The following DYNC2I2 variants were observed in gnomAD, a reference collection of about 807,000 sequenced individuals.
DYNC2I2 encodes the protein cytoplasmic dynein 2 intermediate chain 2.
In DYNC2I2, 39 loss-of-function variants were observed where a neutral mutation model predicts 52.0. The ratio of observed to expected loss-of-function variants is 0.75; its 90% confidence interval spans 0.58 to 0.98. The LOEUF (loss-of-function observed/expected upper bound fraction) is 0.98, where lower values mean the gene tolerates loss of function less well. Ranked by LOEUF, DYNC2I2 falls within the 50% of genes least tolerant of loss-of-function variation. The probability of loss-of-function intolerance (pLI) is 0.00; values close to 1 mark genes in which losing one functional copy is unlikely to be tolerated. For synonymous variants in DYNC2I2, 359 were observed against 321.1 expected (o/e 1.12, Z -1.26); for missense variants, 743 against 728.4 (o/e 1.02, Z -0.23).
chr9:128,635,182 G>C lies in DYNC2I2; in HGVS notation c.891C>G (p.Leu297=), dbSNP rs1362588107. 1.2e-6 allele frequency: 2 copies of C among 1,613,536 alleles called. No individual in the cohort carries two copies. The highest frequency in any genetic ancestry group is 1.7e-6 in the Non-Finnish European group (2 of 1,179,990). ...LSVATDGKVL[L]WQGIGVGQLQ... ...GCTGGCCTACCCCGATGCCCTGCCA[G>C]AGTAGCACCTTCCCGTCGGTGGCCA... Residue 297 remains leucine, a synonymous_variant, in exon 6 of 9, where the codon CTC becomes CTG. Coordinates refer to ENST00000372715, the MANE Select transcript of DYNC2I2 (RefSeq NM_052844.4).
chr9:128,679,505 C>T, the DYNC2I2 span, among the ~76,000 whole-genome samples: 1 of 152,008 alleles, frequency 6.6e-6, no homozygotes, highest in Non-Finnish European at 1.5e-5. Flanking sequence ...GCTCTGTTGA[C>T]CCAGTTGGAG....
At chr9:128,660,804 A>C (rs931476024), upstream of DYNC2I2, among the ~76,000 whole-genome samples, 19 of 151,818 alleles carry the variant, frequency 1.3e-4, no homozygotes, top group African/African-American at 4.6e-4. Context: ...ATCTCGGCTC[A>C]TTGCAACCTT....
chr9:128,667,870 C>T, the DYNC2I2 span, among the ~76,000 whole-genome samples: 2,543 of 123,226 alleles, frequency 0.021, 294 homozygotes, highest in African/African-American at 0.066. Flanking sequence ...GTAGCTGGGA[C>T]TACAGGTGCG....
intron 1 of DYNC2I2, chr9:128,651,915 A>AG (rs1860721366): frequency 9.4e-6 from 1 of 106,184 alleles, no homozygotes; most frequent in Admixed American, 1.1e-4. Context: ...ACTTCATCTC[A>AG]GAAAAAAAAA....
chr9:128,669,922 G>A, the DYNC2I2 span, among the ~76,000 whole-genome samples: 17 of 152,200 alleles, frequency 1.1e-4, no homozygotes, highest in South Asian at 2.5e-3. Flanking sequence ...CTTGTGATCC[G>A]CCAGTCTCGG....
chr9:128,641,574 T>C (rs1292387585), intron 1 of DYNC2I2, among the ~76,000 whole-genome samples: 1 of 152,102 alleles, frequency 6.6e-6, no homozygotes, highest in African/African-American at 2.4e-5. Flanking sequence ...CAGCCTCCCT[T>C]TCTTACAGAC....
At position 128,634,666 on chromosome 9, in the gene DYNC2I2, TGCCCCAG is replaced by T. The variant is rs548912505; in HGVS notation, c.1214+16_1214+22del. On this transcript the variant is annotated intron_variant, in intron 7 of 8. Transcript: ENST00000372715. Reference sequence around the variant, plus strand: ...GGGCAGGGACACCCTGGCCCCACTGTGCCCCAGGCCTGCCCTACGTACCTGTGGAAGG... The same window carrying T: ...GGGCAGGGACACCCTGGCCCCACTGTGCCTGCCCTACGTACCTGTGGAAGG... 192 of 1,505,608 alleles carry T rather than the reference TGCCCCAG, an allele frequency of 1.3e-4. No individual in the cohort carries two copies. In the African/African-American group the frequency reaches 2.4e-3, roughly 19 times the overall value. 93.3% of individuals were successfully genotyped at this position (1,505,608 alleles called of 1,614,324 possible). A position where few individuals can be genotyped will look rare whatever the true frequency, so the allele number is the denominator to read the frequency against.
the DYNC2I2 span, among the ~76,000 whole-genome samples, chr9:128,669,383 A>T: frequency 0.97 from 147,085 of 151,950 alleles, 71,275 homozygotes; most frequent in Non-Finnish European, 1. Flanking sequence ...TTAAGAAATT[A>T]AAAAAAATTT....
chr9:128,678,795 C>A, the DYNC2I2 span, among the ~76,000 whole-genome samples: 1 of 149,776 alleles, frequency 6.7e-6, no homozygotes, highest in Non-Finnish European at 1.5e-5. Flanking sequence ...GAGGGCCAGG[C>A]GTGGTGGCTC....
chr9:128,643,213 T>C (rs1488945035), intron 1 of DYNC2I2, among the ~76,000 whole-genome samples: 3 of 151,806 alleles, frequency 2.0e-5, no homozygotes, highest in Admixed American at 6.6e-5. Flanking sequence ...AGGGAAACTC[T>C]GTACCTACAA....
upstream of DYNC2I2, among the ~76,000 whole-genome samples, chr9:128,657,995 AGGT>A (rs1196200852): frequency 6.6e-6 from 1 of 152,056 alleles, no homozygotes; most frequent in African/African-American, 2.4e-5. Flanking sequence ...CCGGAGGCCA[AGGT>A]GAGAGGATCC....
chr9:128,641,855 C>T (rs1377876234), intron 1 of DYNC2I2, among the ~76,000 whole-genome samples: 1 of 152,068 alleles, frequency 6.6e-6, no homozygotes. Flanking sequence ...CCACTCAGTT[C>T]TCTCTGCTTG....
chr9:128,635,869 C>T (rs1860399040), intron 4 of DYNC2I2, 102 bp from the exon 5 acceptor site: 1 of 1,134,894 alleles, frequency 8.8e-7, no homozygotes, highest in Middle Eastern at 2.0e-4. Context: ...GGGCCAGGGC[C>T]AGGCGGCAGA....
At chr9:128,681,558 T>C in the DYNC2I2 span, among the ~76,000 whole-genome samples, 4 of 152,240 alleles carry the variant, frequency 2.6e-5, no homozygotes, top group Non-Finnish European at 5.9e-5. Flanking sequence ...TTGGTGCACG[T>C]TATGCATATC....
At chr9:128,675,524 A>G in the DYNC2I2 span, among the ~76,000 whole-genome samples, 2 of 152,132 alleles carry the variant, frequency 1.3e-5, no homozygotes, top group African/African-American at 4.8e-5. Flanking sequence ...ACTGTAAAAT[A>G]AGGGCATAAT....
chr9:128,645,458 A>G (rs951449749), intron 1 of DYNC2I2, among the ~76,000 whole-genome samples: 19 of 151,678 alleles, frequency 1.3e-4, no homozygotes, highest in Non-Finnish European at 2.5e-4. Flanking sequence ...TCTCAAAAAA[A>G]AAAAAAAAAT....
the DYNC2I2 span, among the ~76,000 whole-genome samples, chr9:128,684,194 C>T: frequency 6.6e-6 from 1 of 152,070 alleles, no homozygotes; most frequent in East Asian, 1.9e-4. Flanking sequence ...CGGGAGTGCA[C>T]GGGAGCTCAT....
In DYNC2I2 at chr9:128,650,939, G is replaced by C. The variant is rs1055435392; in HGVS notation, c.186+5602C>G. The C allele has an allele frequency of 3.4e-4, 20 of 58,662 alleles. 7 individuals are homozygous for C. The highest frequency in any genetic ancestry group is 6.8e-4 in the African/African-American group (20 of 29,524). 3.6% of individuals were successfully genotyped at this position (58,662 alleles called of 1,614,324 possible). ...TAAGGGGCTGGGTGCGGTTCTGCCAGGCTAGGAGCACAACCGGCACCCAGA... is the reference window on the plus strand; with the variant it reads ...TAAGGGGCTGGGTGCGGTTCTGCCACGCTAGGAGCACAACCGGCACCCAGA... On this transcript the variant is annotated intron_variant, in intron 1 of 8. Transcript: ENST00000372715.
At chr9:128,653,639 C>A (rs1370763224) in intron 1 of DYNC2I2, among the ~76,000 whole-genome samples, 1 of 151,026 alleles carries the variant, frequency 6.6e-6, no homozygotes, top group African/African-American at 2.5e-5. Context: ...TCGCTTGAAG[C>A]CGGGAGGCGG....
Sources: gnomAD v4.1 joint callset for allele counts (sites outside exome capture counted in the v4.1 genomes callset) on GRCh38, gnomAD v4.1.1 for gene constraint, MANE v1.5 for transcripts, NCBI Gene and HGNC (gene_info 2026-07-23, HGNC 2026-07-21) for gene names.